The following CSMD1 variants were observed in gnomAD, a reference collection of about 807,000 sequenced individuals.
CSMD1 encodes the protein CUB and sushi domain-containing protein 1.
Under a neutral mutation model 417.5 loss-of-function variants are expected in CSMD1, and 213 were observed. That is an observed-to-expected ratio of 0.51 (90% CI 0.46 to 0.57). CSMD1 has a LOEUF of 0.57. Among genes scored for constraint, CSMD1 ranks in the 20% least tolerant of loss-of-function variants. CSMD1 has a pLI of 0.00. For synonymous variants in CSMD1, 2,862 were observed against 1,736.8 expected (o/e 1.65, Z -16.11); for missense variants, 6,923 against 4,529.7 (o/e 1.53, Z -15.17).
intron 10 of CSMD1, among the ~76,000 whole-genome samples, chr8:3,503,880 T>G (rs1200479380): frequency 6.8e-6 from 1 of 147,228 alleles, no homozygotes; most frequent in African/African-American, 2.5e-5. Context: ...TAGCCACTGT[T>G]CAACTCTCGA....
chr8:4,216,777 G>C (rs1293867412), intron 3 of CSMD1, among the ~76,000 whole-genome samples: 2 of 152,146 alleles, frequency 1.3e-5, no homozygotes, highest in Non-Finnish European at 2.9e-5. Flanking sequence ...ACAGAAAAGA[G>C]AAAGTCTCCA....
At chr8:3,408,306 G>T in intron 13 of CSMD1, 81 bp from the exon 14 acceptor site, 1 of 1,093,364 alleles carries the variant, frequency 9.1e-7, no homozygotes. Context: ...CTAAGAACCT[G>T]GAAAGGCAAT....
At chr8:3,750,764 G>C (rs1030168286) in intron 6 of CSMD1, among the ~76,000 whole-genome samples, 5 of 152,132 alleles carry the variant, frequency 3.3e-5, no homozygotes, top group African/African-American at 9.7e-5. Context: ...GTGGCTGGCA[G>C]GGACTCTGAG....
chr8:3,769,090 C>A (rs1387355373), intron 5 of CSMD1, among the ~76,000 whole-genome samples: 1 of 152,194 alleles, frequency 6.6e-6, no homozygotes, highest in Non-Finnish European at 1.5e-5. Context: ...GTTGAGCAAA[C>A]TAATTAAAGA....
At chr8:4,181,108 A>C (rs1052322720) in intron 3 of CSMD1, among the ~76,000 whole-genome samples, 5 of 152,176 alleles carry the variant, frequency 3.3e-5, no homozygotes, top group African/African-American at 9.7e-5. Flanking sequence ...CACATGATTG[A>C]CCAGCCAATT....
At chr8:4,119,507 A>G (rs1219846234) in intron 3 of CSMD1, among the ~76,000 whole-genome samples, 1 of 152,160 alleles carries the variant, frequency 6.6e-6, no homozygotes, top group Non-Finnish European at 1.5e-5. Context: ...ATGTCCTGGT[A>G]TTTGTAGGTG....
intron 3 of CSMD1, among the ~76,000 whole-genome samples, chr8:4,351,676 A>T (rs975432082): frequency 5.3e-5 from 8 of 152,214 alleles, no homozygotes; most frequent in Non-Finnish European, 1.0e-4. Flanking sequence ...GATGTCTTCC[A>T]AGAGGAGACT....
chr8:4,201,979 C>G (rs1316900000), intron 3 of CSMD1, among the ~76,000 whole-genome samples: 1 of 151,446 alleles, frequency 6.6e-6, no homozygotes, highest in Non-Finnish European at 1.5e-5. Context: ...AAAAATGAAT[C>G]CTACTTGCAT....
intron 3 of CSMD1, among the ~76,000 whole-genome samples, chr8:4,185,649 A>T (rs370781494): frequency 6.6e-6 from 1 of 152,244 alleles, no homozygotes; most frequent in Non-Finnish European, 1.5e-5. Context: ...AAAAAGTGAC[A>T]CATTTTAACA....
chr8:3,754,597 G>A (rs1233598034), intron 5 of CSMD1, among the ~76,000 whole-genome samples: 3 of 152,190 alleles, frequency 2.0e-5, no homozygotes, highest in Non-Finnish European at 4.4e-5. Context: ...TGGGATTACA[G>A]GCATGCGCCA....
chr8:3,494,437 C>A (rs1160775509), intron 10 of CSMD1, among the ~76,000 whole-genome samples: 1 of 151,724 alleles, frequency 6.6e-6, no homozygotes, highest in Non-Finnish European at 1.5e-5. Context: ...AGGCTAGAAC[C>A]CTGGGTAGTA....
In CSMD1 at chr8:2,974,508, C is replaced by A. The variant is rs768738523; in HGVS notation, c.8683G>T (p.Asp2895Tyr). 22 of 1,613,494 alleles carry A rather than the reference C, an allele frequency of 1.4e-5. No homozygotes were observed. The Middle Eastern group carries it at 6.6e-4, about 48-fold the overall frequency. ...CRGSESLIGN[D>Y]TRVCQEDSHW... ...CTGTCTTCCTGGCACACTCTCGTGT[C>A]GTTGCCTATGAGGCTCTCGCTCCCT... is the stretch of plus-strand genomic sequence containing the variant. Residue 2895 changes from aspartate (D) to tyrosine (Y), a missense_variant, in exon 56 of 70, where the codon GAC (aspartate) becomes TAC (tyrosine). Physicochemically the swap from Asp to Tyr is radical, Grantham distance 160 (BLOSUM62 -3). Transcript: ENST00000635120.
At chr8:3,925,035 T>A (rs1332431289) in intron 5 of CSMD1, among the ~76,000 whole-genome samples, 2 of 152,192 alleles carry the variant, frequency 1.3e-5, no homozygotes, top group African/African-American at 4.8e-5. Flanking sequence ...TTATCCTGCC[T>A]AGAGATACTG....
At chr8:4,792,578 G>T (rs1488389503) in intron 1 of CSMD1, among the ~76,000 whole-genome samples, 4 of 152,148 alleles carry the variant, frequency 2.6e-5, no homozygotes, top group African/African-American at 9.7e-5. Flanking sequence ...TTGTCAGCAC[G>T]TCCATGCAAG....
At chr8:4,231,106 G>T (rs142856774) in intron 3 of CSMD1, among the ~76,000 whole-genome samples, 1 of 152,134 alleles carries the variant, frequency 6.6e-6, no homozygotes, top group Non-Finnish European at 1.5e-5. Flanking sequence ...TCTCCACCAA[G>T]GATATATGTT....
chr8:3,618,092 C>G (rs552581861), intron 7 of CSMD1, among the ~76,000 whole-genome samples: 1 of 152,056 alleles, frequency 6.6e-6, no homozygotes, highest in Admixed American at 6.6e-5. Flanking sequence ...GCCTCAACCT[C>G]CCAGGATCAA....
At chr8:4,191,485 C>T (rs1799029693) in intron 3 of CSMD1, among the ~76,000 whole-genome samples, 1 of 152,116 alleles carries the variant, frequency 6.6e-6, no homozygotes, top group Admixed American at 6.5e-5. Flanking sequence ...AAGCATTGTT[C>T]TTACTTGTCT....
At chr8:3,816,989 G>C (rs1801404136) in intron 5 of CSMD1, among the ~76,000 whole-genome samples, 1 of 152,040 alleles carries the variant, frequency 6.6e-6, no homozygotes, top group Non-Finnish European at 1.5e-5. Flanking sequence ...AAACAGGTTC[G>C]AACAATGCTT....
intron 3 of CSMD1, among the ~76,000 whole-genome samples, chr8:4,119,188 C>T (rs941183529): frequency 2.0e-5 from 3 of 151,986 alleles, no homozygotes; most frequent in African/African-American, 4.8e-5. Flanking sequence ...AGCAAACCAT[C>T]GTGGCACACA....
Sources: allele counts gnomAD v4.1 joint callset (sites outside exome capture counted in the v4.1 genomes callset), GRCh38; gene constraint gnomAD v4.1.1; transcripts MANE v1.5; gene names NCBI Gene and HGNC (gene_info 2026-07-23, HGNC 2026-07-21).